PCDHA4: variants seen among roughly 807,000 people sequenced by gnomAD.
PCDHA4 encodes protocadherin alpha 4, also known as protocadherin alpha-4.
PCDHA4 carries 49 observed loss-of-function variants against 61.4 expected under a neutral mutation model. That is an observed-to-expected ratio of 0.80 (90% CI 0.63 to 1.01). The LOEUF (loss-of-function observed/expected upper bound fraction) is 1.01. Ranked by LOEUF, PCDHA4 falls within the 50% of genes least tolerant of loss-of-function variation. PCDHA4 has a pLI of 0.00. For missense variants in PCDHA4, 1,254 were observed against 1,235.8 expected, an observed-to-expected ratio of 1.01 and a Z score of -0.22; for synonymous variants, 590 against 550.3, an observed-to-expected ratio of 1.07 and a Z score of -1.01.
At chr5:140,854,493 T>C (rs990142871) in intron 1 of PCDHA4, 1 of 149,954 alleles carries the variant, frequency 6.7e-6, no homozygotes, top group African/African-American at 2.4e-5. Flanking sequence ...CAGAATTTAG[T>C]AGGACACATA....
At chr5:141,003,123 T>C (rs1387983867) in intron 3 of PCDHA4, among the ~76,000 whole-genome samples, 1 of 152,240 alleles carries the variant, frequency 6.6e-6, no homozygotes, top group Non-Finnish European at 1.5e-5. Flanking sequence ...GGCCCTTTCC[T>C]GGCATTTGCC....
In PCDHA4 at chr5:140,877,646, C is replaced by T. The variant is rs782472866; in HGVS notation, c.2385+68074C>T. 7 of 1,613,560 alleles carry T rather than the reference C, an allele frequency of 4.3e-6. No individual in the cohort carries two copies. The Admixed American group carries it at 6.7e-5, about 15-fold the overall frequency. On this transcript the variant is annotated intron_variant, in intron 1 of 3. Coordinates refer to ENST00000530339, the MANE Select transcript of PCDHA4 (RefSeq NM_018907.4). ...CTGTACACTGCGCTGCGTTGCTCAG[C>T]GCCGCCCACCGTGAGCCGGTGCGCG...
intron 1 of PCDHA4, among the ~76,000 whole-genome samples, chr5:140,972,402 G>A (rs1554234110): frequency 6.6e-6 from 1 of 151,784 alleles, no homozygotes; most frequent in Non-Finnish European, 1.5e-5. Context: ...TTCACTATTG[G>A]CAAACCCTGT....
intron 3 of PCDHA4, among the ~76,000 whole-genome samples, chr5:141,000,391 CTCTCTATATA>C (rs1171335262): frequency 2.9e-3 from 162 of 56,578 alleles, no homozygotes; most frequent in African/African-American, 4.6e-3. Flanking sequence ...CTCTCTCTCT[CTCTCTATATA>C]TATATATATA....
chr5:141,000,647 C>G (rs1442819157), intron 3 of PCDHA4, among the ~76,000 whole-genome samples: 1 of 151,182 alleles, frequency 6.6e-6, no homozygotes, highest in Non-Finnish European at 1.5e-5. Context: ...AGGCTGGTCT[C>G]GAACTCCTGA....
intron 3 of PCDHA4, among the ~76,000 whole-genome samples, chr5:141,002,367 A>T (rs2098076282): frequency 6.6e-6 from 1 of 152,248 alleles, no homozygotes; most frequent in African/African-American, 2.4e-5. Context: ...CTTTCAACTC[A>T]TTCTGGCTTA....
chr5:140,862,503 A>T (rs2047399158), intron 1 of PCDHA4: 5 of 398,958 alleles, frequency 1.3e-5, no homozygotes, highest in Non-Finnish European at 2.5e-5. Context: ...CGGAATGGGG[A>T]CTCGCTTTCA....
At chr5:140,902,530 G>C (rs569387885) in intron 1 of PCDHA4, among the ~76,000 whole-genome samples, 1 of 152,026 alleles carries the variant, frequency 6.6e-6, no homozygotes, top group African/African-American at 2.4e-5. Flanking sequence ...TTATTATGTT[G>C]AGGTATGTTC....
chr5:140,992,590 T>C (rs536991072), intron 3 of PCDHA4, among the ~76,000 whole-genome samples: 1 of 152,300 alleles, frequency 6.6e-6, no homozygotes, highest in East Asian at 1.9e-4. Flanking sequence ...TGTATGCATC[T>C]AGCGTCTGTG....
chr5:140,819,310 T>C (rs1766532133), intron 1 of PCDHA4, among the ~76,000 whole-genome samples: 1 of 152,190 alleles, frequency 6.6e-6, no homozygotes, highest in African/African-American at 2.4e-5. Flanking sequence ...AATTTTATTC[T>C]GGGTTTTGTA....
intron 1 of PCDHA4, chr5:140,863,183 C>A: frequency 1.3e-6 from 1 of 766,218 alleles, no homozygotes; most frequent in Non-Finnish European, 2.2e-6. Context: ...GCCACCGTCA[C>A]CGTGGTGGCG....
intron 1 of PCDHA4, chr5:140,858,078 C>T (rs782110139): frequency 6.3e-7 from 1 of 1,597,798 alleles, no homozygotes; most frequent in South Asian, 1.1e-5. Context: ...GCACCCAAGG[C>T]CTCGTCGCGG....
intron 1 of PCDHA4, chr5:140,882,397 C>T (rs1554173926): frequency 6.2e-7 from 1 of 1,614,190 alleles, no homozygotes; most frequent in South Asian, 1.1e-5. Flanking sequence ...AACACGGCAC[C>T]TTCGTGGGCC....
chr5:140,938,455 T>C (rs1317742854), intron 1 of PCDHA4, among the ~76,000 whole-genome samples: 1 of 152,196 alleles, frequency 6.6e-6, no homozygotes, highest in East Asian at 1.9e-4. Flanking sequence ...TTCCCTTTGT[T>C]TTTTAATTTA....
At chr5:140,834,573 T>C (rs1773106478) in intron 1 of PCDHA4, 1 of 1,614,010 alleles carries the variant, frequency 6.2e-7, no homozygotes, top group South Asian at 1.1e-5. Context: ...GCCGCGCCTG[T>C]TCCGGGCGGT....
chr5:140,965,648 GA>G (rs2095919572), intron 1 of PCDHA4, among the ~76,000 whole-genome samples: 1 of 152,128 alleles, frequency 6.6e-6, no homozygotes, highest in Non-Finnish European at 1.5e-5. Context: ...ACTCTTGAAA[GA>G]AAATGTCTTG....
At chr5:141,002,797 G>A (rs1025670333) in intron 3 of PCDHA4, among the ~76,000 whole-genome samples, 2 of 152,190 alleles carry the variant, frequency 1.3e-5, no homozygotes, top group African/African-American at 4.8e-5. Context: ...TATGGATGAG[G>A]AAACTGAGGC....
At chr5:140,818,821 C>T (rs188829951) in intron 1 of PCDHA4, among the ~76,000 whole-genome samples, 156 of 152,316 alleles carry the variant, frequency 1.0e-3, no homozygotes, top group Admixed American at 2.0e-3. Flanking sequence ...GAGTGAGACT[C>T]TTTGTCACCC....
intron 1 of PCDHA4, chr5:140,822,558 TA>T: frequency 1.9e-6 from 3 of 1,613,478 alleles, no homozygotes; most frequent in Non-Finnish European, 2.5e-6. Context: ...CATTAGTTAT[TA>T]AACTGAACGC....
Sources: allele counts gnomAD v4.1 joint callset (sites outside exome capture counted in the v4.1 genomes callset), GRCh38; gene constraint gnomAD v4.1.1; transcripts MANE v1.5; gene names NCBI Gene and HGNC (gene_info 2026-07-23, HGNC 2026-07-21).